PDE11A: variants seen among roughly 807,000 people sequenced by gnomAD.
PDE11A encodes phosphodiesterase 11A, also known as dual 3',5'-cyclic-AMP and -GMP phosphodiesterase 11A.
A neutral mutation model predicts 100.5 loss-of-function variants in PDE11A; 100 were observed. The observed-to-expected ratio is 1.00, with a 90% CI of 0.85 to 1.18. The LOEUF (loss-of-function observed/expected upper bound fraction) is 1.18. PDE11A is among the 50% of genes most tolerant of loss of function. The pLI is 0.00. For missense variants in PDE11A, 1,141 were observed against 1,152.6 expected (o/e 0.99, Z 0.15); for synonymous variants, 381 against 420.8 (o/e 0.91, Z 1.16).
intron 9 of PDE11A, among the ~76,000 whole-genome samples, chr2:177,815,086 T>C (rs2083016062): frequency 6.6e-6 from 1 of 152,294 alleles, no homozygotes; most frequent in Non-Finnish European, 1.5e-5. Context: ...TTCTTTTTAA[T>C]AGCTGCAGTT....
intron 9 of PDE11A, among the ~76,000 whole-genome samples, chr2:177,814,972 A>G (rs1426362659): frequency 6.6e-6 from 1 of 152,200 alleles, no homozygotes; most frequent in African/African-American, 2.4e-5. Flanking sequence ...GAGGTAGATG[A>G]GAAGTGAGAA....
At chr2:177,923,837 C>T (rs1009150528) in intron 2 of PDE11A, among the ~76,000 whole-genome samples, 9 of 152,110 alleles carry the variant, frequency 5.9e-5, no homozygotes, top group South Asian at 2.1e-4. Flanking sequence ...AAAAATATTC[C>T]GGAATTCTTA....
chr2:178,031,822 T>A (rs1052269124), intron 1 of PDE11A, among the ~76,000 whole-genome samples: 6 of 152,034 alleles, frequency 3.9e-5, no homozygotes, highest in Non-Finnish European at 8.8e-5. Context: ...ACAGGCTGAT[T>A]ACAAAACTGA....
At position 177,911,081 on chromosome 2, in the gene PDE11A, G is replaced by C. The variant is rs141112628; in HGVS notation, c.1072-5894C>G. Among the ~76,000 whole-genome samples the C allele has an allele frequency of 2.0e-5, 3 of 152,142 alleles. No individual in the cohort carries two copies. The East Asian group carries it at 5.8e-4, about 29-fold the overall frequency. ...TCCCTTTGTGTAGATTCTGAAAACA[G>C]GACTCTTAAAGTCACTTCTGCCCTC... On this transcript the variant is annotated intron_variant, in intron 2 of 19. Coordinates refer to ENST00000286063, the MANE Select transcript of PDE11A (RefSeq NM_016953.4).
chr2:177,892,067 T>C (rs942103405), intron 4 of PDE11A, among the ~76,000 whole-genome samples: 1 of 152,224 alleles, frequency 6.6e-6, no homozygotes, highest in South Asian at 2.1e-4. Flanking sequence ...CTTAGTTTTG[T>C]CTTTAACCAG....
intron 1 of PDE11A, among the ~76,000 whole-genome samples, chr2:178,055,831 A>C (rs1037542359): frequency 1.3e-5 from 2 of 152,122 alleles, no homozygotes; most frequent in Admixed American, 6.5e-5. Context: ...AGCTTTGTAC[A>C]CTTATAGAAA....
intron 2 of PDE11A, among the ~76,000 whole-genome samples, chr2:177,964,236 A>C (rs2085670220): frequency 3.9e-5 from 6 of 151,940 alleles, no homozygotes; most frequent in Admixed American, 3.9e-4. Flanking sequence ...TGCAACCTCA[A>C]GTTTTATTTT....
At chr2:177,775,817 T>C (rs2082369896) in intron 9 of PDE11A, among the ~76,000 whole-genome samples, 1 of 152,170 alleles carries the variant, frequency 6.6e-6, no homozygotes, top group Non-Finnish European at 1.5e-5. Context: ...CATTATTCTC[T>C]GAGTTAAGTG....
intron 15 of PDE11A, among the ~76,000 whole-genome samples, chr2:177,689,147 A>G (rs567291846): frequency 1.6e-4 from 24 of 152,016 alleles, no homozygotes; most frequent in African/African-American, 5.5e-4. Context: ...CAATGGCGTG[A>G]TCTCGGCTCA....
At chr2:178,023,350 C>T (rs146771093) in intron 1 of PDE11A, among the ~76,000 whole-genome samples, 1 of 152,284 alleles carries the variant, frequency 6.6e-6, no homozygotes, top group East Asian at 1.9e-4. Context: ...AAAGAAGCCT[C>T]GAAGCAAAAC....
chr2:177,734,864 T>C (rs1053278934), intron 10 of PDE11A, among the ~76,000 whole-genome samples: 2 of 152,226 alleles, frequency 1.3e-5, no homozygotes, highest in African/African-American at 2.4e-5. Context: ...ATTTTTATAC[T>C]GATAGCAGCC....
At chr2:178,068,992 T>C (rs1485284238) in intron 1 of PDE11A, among the ~76,000 whole-genome samples, 1 of 152,180 alleles carries the variant, frequency 6.6e-6, no homozygotes, top group Non-Finnish European at 1.5e-5. Context: ...GGGTGGAGCA[T>C]GGAAAAGATT....
At chr2:177,747,757 C>G (rs932160487) in intron 10 of PDE11A, among the ~76,000 whole-genome samples, 1 of 152,130 alleles carries the variant, frequency 6.6e-6, no homozygotes, top group Non-Finnish European at 1.5e-5. Context: ...TTCAGGAAAG[C>G]CTTTGAGAGA....
At chr2:177,840,468 A>C in intron 5 of PDE11A, 85 bp from the exon 6 acceptor site, 1 of 1,167,366 alleles carries the variant, frequency 8.6e-7, no homozygotes, top group Non-Finnish European at 1.3e-6. Flanking sequence ...CACTAATATC[A>C]GGATAATCTG....
At chr2:177,840,184 T>C (rs1458221786) in intron 6 of PDE11A, 67 bp downstream of exon 6, 8 of 1,500,542 alleles carry the variant, frequency 5.3e-6, no homozygotes, top group African/African-American at 1.4e-5. Flanking sequence ...TTCCTTTTTG[T>C]GTTTCAACTG....
chr2:177,696,327 A>G (rs1479448467), intron 15 of PDE11A, among the ~76,000 whole-genome samples: 1 of 152,198 alleles, frequency 6.6e-6, no homozygotes, highest in Non-Finnish European at 1.5e-5. Flanking sequence ...GAGAAAGAAG[A>G]ACATGTTTCA....
At chr2:177,755,070 A>G (rs2082073061) in intron 10 of PDE11A, among the ~76,000 whole-genome samples, 1 of 152,192 alleles carries the variant, frequency 6.6e-6, no homozygotes, top group Admixed American at 6.5e-5. Flanking sequence ...CAGAGACTAC[A>G]GTGTTCAAAC....
Position 177,949,233 on chromosome 2 carries a change from T to C in PDE11A, c.1072-44046A>G, listed in dbSNP as rs75461143. ...ACTGGTGAGTTATAGAAGTGATCTG[T>C]TACACAATCACTTCTATAAATACAT... On this transcript the variant is annotated intron_variant, in intron 2 of 19. Coordinates refer to ENST00000286063, the MANE Select transcript of PDE11A (RefSeq NM_016953.4). Among the ~76,000 whole-genome samples, 318 of 152,230 alleles carry C rather than the reference T, an allele frequency of 2.1e-3. 11 individuals are homozygous for C. The East Asian group carries it at 0.058, about 28-fold the overall frequency.
chr2:177,848,794 T>A (rs1045920229), intron 5 of PDE11A, among the ~76,000 whole-genome samples: 1 of 151,672 alleles, frequency 6.6e-6, no homozygotes, highest in Admixed American at 6.6e-5. Context: ...CAAGACAAAA[T>A]AAAATACCCC....
Sources: gnomAD v4.1 joint callset for allele counts (sites outside exome capture counted in the v4.1 genomes callset) on GRCh38, gnomAD v4.1.1 for gene constraint, MANE v1.5 for transcripts, NCBI Gene and HGNC (gene_info 2026-07-23, HGNC 2026-07-21) for gene names.